TNIK: variants seen among roughly 807,000 people sequenced by gnomAD.
The protein encoded by TNIK is TRAF2 and NCK-interacting protein kinase.
TNIK carries 49 observed loss-of-function variants against 191.3 expected under a neutral mutation model. The ratio of observed to expected loss-of-function variants is 0.26; its 90% CI spans 0.20 to 0.32. The LOEUF (loss-of-function observed/expected upper bound fraction) is 0.32. Among genes scored for constraint, TNIK ranks in the 10% least tolerant of loss-of-function variants. The pLI, the probability that TNIK is intolerant of heterozygous loss-of-function variation, is 1.00. For synonymous variants in TNIK, 594 were observed against 600.9 expected (o/e 0.99, Z 0.17); for missense variants, 1,155 against 1,702.3 (o/e 0.68, Z 5.66).
intron 2 of TNIK, among the ~76,000 whole-genome samples, chr3:171,264,081 C>A (rs983680980): frequency 2.0e-5 from 2 of 100,884 alleles, no homozygotes; most frequent in Non-Finnish European, 4.1e-5. Flanking sequence ...CACACACACA[C>A]ACACACACAC....
At chr3:171,425,522 T>C (rs1724434704) in intron 1 of TNIK, among the ~76,000 whole-genome samples, 1 of 152,160 alleles carries the variant, frequency 6.6e-6, no homozygotes. Context: ...ATGTGGATTC[T>C]ATTTGTCCAA....
chr3:171,131,592 G>C (rs1016411105), intron 15 of TNIK, among the ~76,000 whole-genome samples: 1 of 152,108 alleles, frequency 6.6e-6, no homozygotes, highest in Non-Finnish European at 1.5e-5. Context: ...TTTCAGGAAG[G>C]CTCCAGTGTA....
chr3:171,248,216 A>T (rs1398829212), intron 2 of TNIK, among the ~76,000 whole-genome samples: 1 of 152,220 alleles, frequency 6.6e-6, no homozygotes, highest in Non-Finnish European at 1.5e-5. Context: ...GCATAGAAGA[A>T]GGTCACCTGT....
At chr3:171,403,760 T>C (rs1166710382) in intron 1 of TNIK, among the ~76,000 whole-genome samples, 2 of 60,690 alleles carry the variant, frequency 3.3e-5, no homozygotes, top group African/African-American at 1.2e-4. Flanking sequence ...AGAACTAGAA[T>C]AGAGTGAGGT....
chr3:171,273,219 C>T (rs779552623), intron 2 of TNIK, among the ~76,000 whole-genome samples: 3 of 152,192 alleles, frequency 2.0e-5, no homozygotes, highest in Non-Finnish European at 2.9e-5. Flanking sequence ...CCTCAAAAGT[C>T]TAAAGCCTGG....
At chr3:171,432,303 G>T (rs1157399900) in intron 1 of TNIK, among the ~76,000 whole-genome samples, 1 of 152,164 alleles carries the variant, frequency 6.6e-6, no homozygotes, top group Non-Finnish European at 1.5e-5. Flanking sequence ...TAAGGAAAAG[G>T]TGATAGAGAG....
intron 2 of TNIK, among the ~76,000 whole-genome samples, chr3:171,344,884 C>A (rs902468328): frequency 2.6e-5 from 4 of 152,086 alleles, no homozygotes; most frequent in African/African-American, 9.7e-5. Flanking sequence ...CAACACAGTT[C>A]TCATAAGGAC....
At chr3:171,359,871 G>T (rs1262465341) in intron 2 of TNIK, among the ~76,000 whole-genome samples, 6 of 152,054 alleles carry the variant, frequency 3.9e-5, no homozygotes, top group African/African-American at 1.4e-4. Context: ...TCCTGGCGGG[G>T]TTTCATTTTA....
At chr3:171,265,033 T>A (rs1328322929) in intron 2 of TNIK, among the ~76,000 whole-genome samples, 2 of 152,180 alleles carry the variant, frequency 1.3e-5, no homozygotes, top group Non-Finnish European at 2.9e-5. Flanking sequence ...AAGTTCCACG[T>A]GGCATGGCAT....
intron 2 of TNIK, among the ~76,000 whole-genome samples, chr3:171,309,178 A>G (rs866419494): frequency 8.5e-5 from 13 of 152,280 alleles, no homozygotes; most frequent in African/African-American, 3.1e-4. Flanking sequence ...AGACTGGAAA[A>G]AAAAAATGTG....
chr3:171,263,269 G>A (rs571512487), intron 2 of TNIK, among the ~76,000 whole-genome samples: 1 of 152,320 alleles, frequency 6.6e-6, no homozygotes, highest in East Asian at 1.9e-4. Context: ...ACTCTGCCAG[G>A]TGACCAGAGA....
Position 171,138,361 on chromosome 3 carries a change from A to G in TNIK, c.1438T>C (p.Leu480=), listed in dbSNP as rs373859946. The change falls in exon 15 of 33, where the codon TTG becomes CTG. Residue 480 remains leucine (L), a synonymous_variant. Transcript: ENST00000436636. The part of the protein sequence containing the change: ...ALLLEYKRKQ[L]EEQRQAERLQ... ...CTTTCTGCTTGTCTCTGTTCTTCCA[A>G]TTGTTTGCGCTTATATTCCTGTCCA... 6.9e-6 allele frequency: 11 copies of G among 1,603,114 alleles called. No individual in the cohort carries two copies. The highest frequency in any genetic ancestry group is 2.7e-5 in the African/African-American group (2 of 74,242).
At chr3:171,289,670 G>A (rs1751453337) in intron 2 of TNIK, among the ~76,000 whole-genome samples, 1 of 152,194 alleles carries the variant, frequency 6.6e-6, no homozygotes. Flanking sequence ...GGGAGGCTGA[G>A]GCAGGCAGAT....
At chr3:171,097,761 A>C (rs1247703902) in intron 22 of TNIK, among the ~76,000 whole-genome samples, 1 of 152,138 alleles carries the variant, frequency 6.6e-6, no homozygotes, top group Non-Finnish European at 1.5e-5. Context: ...GTATTTCTTC[A>C]TAGCAGTACG....
chr3:171,302,106 G>A (rs1752951236), intron 2 of TNIK, among the ~76,000 whole-genome samples: 1 of 152,136 alleles, frequency 6.6e-6, no homozygotes. Flanking sequence ...TTTTAAAAGG[G>A]GTGGAGGGGA....
At position 171,309,445 on chromosome 3, in the gene TNIK, T is replaced by G. The variant is rs139581764; in HGVS notation, c.123+60175A>C. ...AGGGTGAGGATCAAACAACTATCTA[T>G]CATGTACTATGCTTACCATCTGGGT... is the stretch of plus-strand genomic sequence containing the variant. On this transcript the variant is annotated intron_variant, in intron 2 of 32. Transcript: ENST00000436636. Among the ~76,000 whole-genome samples, 375 of 152,132 alleles carry G rather than the reference T, an allele frequency of 2.5e-3. 5 individuals are homozygous for G. The highest frequency in any genetic ancestry group is 8.7e-3 in the African/African-American group (360 of 41,524).
chr3:171,205,955 A>T (rs537169443), intron 4 of TNIK, among the ~76,000 whole-genome samples: 85 of 152,268 alleles, frequency 5.6e-4, no homozygotes, highest in African/African-American at 1.9e-3. Context: ...ATACCATCAC[A>T]TTGAAAGTTA....
At chr3:171,355,505 T>C (rs9838042) in intron 2 of TNIK, among the ~76,000 whole-genome samples, 3,794 of 152,290 alleles carry the variant, frequency 0.025, 152 homozygotes, top group African/African-American at 0.085. Flanking sequence ...ATCTGCCTAA[T>C]TTGCAACTCT....
intron 27 of TNIK, among the ~76,000 whole-genome samples, chr3:171,080,399 T>C (rs1720515658): frequency 6.6e-6 from 1 of 152,116 alleles, no homozygotes; most frequent in African/African-American, 2.4e-5. Context: ...TACTTATTTT[T>C]CTTTATCTTA....
Sources: allele counts gnomAD v4.1 joint callset (sites outside exome capture counted in the v4.1 genomes callset), GRCh38; gene constraint gnomAD v4.1.1; transcripts MANE v1.5; gene names NCBI Gene and HGNC (gene_info 2026-07-23, HGNC 2026-07-21).